Variants in SPATA13 observed in about 807,000 individuals in gnomAD.
The protein encoded by SPATA13 is spermatogenesis associated 13, also known as spermatogenesis-associated protein 13.
A neutral mutation model predicts 104.0 loss-of-function variants in SPATA13; 50 were observed. The ratio of observed to expected loss-of-function variants is 0.48; its 90% CI spans 0.38 to 0.61. SPATA13 has a LOEUF of 0.61. Ranked by LOEUF, SPATA13 falls within the 20% of genes least tolerant of loss-of-function variation. The probability of loss-of-function intolerance (pLI) is 0.00; values close to 1 mark genes in which losing one functional copy is unlikely to be tolerated. For synonymous variants in SPATA13, 606 were observed against 667.5 expected (o/e 0.91, Z 1.42); for missense variants, 1,524 against 1,690.6 (o/e 0.90, Z 1.73).
intron 3 of SPATA13, among the ~76,000 whole-genome samples, chr13:24,035,511 G>GT (rs1877644930): frequency 6.6e-6 from 1 of 152,168 alleles, no homozygotes; most frequent in South Asian, 2.1e-4. Context: ...GGAACAGAAT[G>GT]TTAGGAGCTT....
chr13:24,286,940 A>C lies in SPATA13; in HGVS notation c.2657A>C (p.Asp886Ala). 13 of 1,613,342 alleles carry C rather than the reference A, an allele frequency of 8.1e-6. No individual in the cohort carries two copies. The highest frequency in any genetic ancestry group is 1.1e-5 in the Non-Finnish European group (13 of 1,179,648). Residue 886 changes from aspartate to alanine, a missense_variant, in exon 7 of 13, where the codon GAC becomes GCC. Coordinates refer to ENST00000382108, the MANE Select transcript of SPATA13 (RefSeq NM_001166271.3). The surrounding 1 kb of genome is among the most constrained non-coding windows in gnomAD (Gnocchi z 4.9). ...TERVYIKHLR[D>A]ICEGYIRQCR... ...CGGGTGTACATCAAACACCTCAGGG[A>C]CATCTGTGAGGTGGGACGCCAGGCT...
Position 24,249,621 on chromosome 13 carries a change from A to G in SPATA13, c.1798A>G (p.Ser600Gly), listed in dbSNP as rs1229983917. The change falls in exon 3 of 13, where the codon AGT becomes GGT. Residue 600 changes from serine (S) to glycine (G), a missense_variant. Ser to Gly is a moderately conservative substitution (Grantham distance 56). Around this residue, in one of 2 missense-constraint regions of SPATA13, gnomAD observed 1,089 missense variants for 1,135.9 expected, o/e 0.96. Coordinates refer to ENST00000382108, the MANE Select transcript of SPATA13 (RefSeq NM_001166271.3). ...TGACTACGGCCAGCTGGCCAGCCGC[A>G]GTTTGTCTATTCCTGAAGACTCGGT... Reference protein sequence around the residue: ...FSDYGQLASRSLSIPEDSVAA... With the variant: ...FSDYGQLASRGLSIPEDSVAA... 1 of 1,613,698 alleles carries G rather than the reference A, an allele frequency of 6.2e-7. No homozygotes were observed. Among genetic ancestry groups the G allele is most frequent in the South Asian group, 1.1e-5 (1 of 91,080 alleles).
At chr13:24,016,225 T>G (rs1212421714) in intron 2 of SPATA13, among the ~76,000 whole-genome samples, 1 of 152,092 alleles carries the variant, frequency 6.6e-6, no homozygotes, top group Non-Finnish European at 1.5e-5. Context: ...TGGAGGCCAG[T>G]GGGGTCCATC....
intron 3 of SPATA13, among the ~76,000 whole-genome samples, chr13:24,131,591 T>C (rs1881390567): frequency 1.3e-5 from 2 of 152,226 alleles, no homozygotes; most frequent in South Asian, 4.1e-4. Flanking sequence ...TTTCAGTGGC[T>C]TATGAGAACA....
chr13:24,121,918 C>CG (rs2137825153), intron 3 of SPATA13: 1 of 622,732 alleles, frequency 1.6e-6, no homozygotes, highest in East Asian at 2.7e-5. Context: ...GTTGCATGAT[C>CG]GGGTCCCATC....
At chr13:23,981,286 A>G (rs969300972) in intron 1 of SPATA13, among the ~76,000 whole-genome samples, 1 of 152,190 alleles carries the variant, frequency 6.6e-6, no homozygotes, top group Admixed American at 6.5e-5. Flanking sequence ...AAAAAATGTC[A>G]AGGGGTTCGA....
At chr13:24,214,062 T>C (rs1871163823) in intron 1 of SPATA13, among the ~76,000 whole-genome samples, 1 of 152,244 alleles carries the variant, frequency 6.6e-6, no homozygotes, top group African/African-American at 2.4e-5. Context: ...CAGATCCGCA[T>C]TCAGGTGATC....
intron 3 of SPATA13, among the ~76,000 whole-genome samples, chr13:24,037,667 C>T (rs530389561): frequency 5.0e-4 from 76 of 151,862 alleles, no homozygotes; most frequent in Non-Finnish European, 1.0e-3. Flanking sequence ...CTCGGCCTTC[C>T]AAAGAGCTGA....
chr13:24,126,208 G>T (rs1294032154), intron 3 of SPATA13, among the ~76,000 whole-genome samples: 1 of 152,202 alleles, frequency 6.6e-6, no homozygotes, highest in Non-Finnish European at 1.5e-5. Context: ...AGTCATGGGG[G>T]CAGGAGCCAT....
At chr13:24,203,330 G>T (rs9551078) in intron 1 of SPATA13, among the ~76,000 whole-genome samples, 56,457 of 151,786 alleles carry the variant, frequency 0.37, 11,196 homozygotes, top group East Asian at 0.62. Flanking sequence ...TTTAGGGGAA[G>T]GGGAAGAAGG....
In SPATA13 at chr13:24,010,240, C is replaced by T. The variant is rs56724430; in HGVS notation, c.-146-7427C>T. Reference sequence around the variant, plus strand: ...GTAGTCGCTTCTTAGTCTGGCTCAGCGAATCTGCATTTTTATATAAACAGT... The same window carrying T: ...GTAGTCGCTTCTTAGTCTGGCTCAGTGAATCTGCATTTTTATATAAACAGT... On this transcript the variant is annotated intron_variant, in intron 2 of 14. Coordinates refer to the SPATA13 transcript ENST00000424834. Among the ~76,000 whole-genome samples, 380 of 152,194 alleles carry T rather than the reference C, an allele frequency of 2.5e-3. 1 individual carries two copies. Among genetic ancestry groups the T allele is most frequent in the African/African-American group, 6.7e-3 (279 of 41,524 alleles).
Position 24,303,299 on chromosome 13 carries a change from C to T in SPATA13, c.*526C>T, listed in dbSNP as rs758675643. The T allele has an allele frequency of 4.3e-5, 16 of 371,088 alleles. No individual in the cohort carries two copies. The highest frequency in any genetic ancestry group is 8.9e-5 in the East Asian group (1 of 11,282). The allele number at this position is 371,088 out of a possible 1,614,324, so 23.0% of individuals were successfully genotyped here. A position where few individuals can be genotyped will look rare whatever the true frequency, so the allele number is the denominator to read the frequency against. ...GTAATACTGGGGGACCTACAGCTGC[C>T]GTGGGGCTGACCACGGTGTTCCCTG... is the stretch of plus-strand genomic sequence containing the variant. On this transcript the variant is annotated 3_prime_UTR_variant, in exon 13 of 13. Transcript: ENST00000382108.
Position 24,088,072 on chromosome 13 carries a change from A to C in SPATA13, c.-112+70371A>C, listed in dbSNP as rs1460148819. ...ACCCTCTAATTTGTGAATCAGCCAA[A>C]TGCCTAGCTGAGATGAAAGTCCTGG... On this transcript the variant is annotated intron_variant, in intron 3 of 14. Transcript: ENST00000424834. The surrounding 1 kb of genome is among the most constrained non-coding windows in gnomAD (Gnocchi z 4.3). Among the ~76,000 whole-genome samples the C allele has an allele frequency of 6.6e-6, 1 of 152,186 alleles. No homozygotes were observed. Among genetic ancestry groups the C allele is most frequent in the Non-Finnish European group, 1.5e-5 (1 of 68,034 alleles).
intron 2 of SPATA13, among the ~76,000 whole-genome samples, chr13:24,230,563 T>C (rs1872202031): frequency 6.6e-6 from 1 of 152,192 alleles, no homozygotes; most frequent in South Asian, 2.1e-4. Flanking sequence ...TGCTTACCAG[T>C]TCTCGACCTT....
upstream of SPATA13, among the ~76,000 whole-genome samples, chr13:24,159,617 G>C (rs907727611): frequency 6.6e-6 from 1 of 152,150 alleles, no homozygotes; most frequent in African/African-American, 2.4e-5. Context: ...ACTTACAGGA[G>C]GCTCACGCCG....
chr13:24,275,946 C>A (rs1593486109), intron 4 of SPATA13, among the ~76,000 whole-genome samples: 1 of 152,118 alleles, frequency 6.6e-6, no homozygotes, highest in East Asian at 1.9e-4. Context: ...ACCCCTCCCC[C>A]AAAAAATGTT....
chr13:24,059,978 G>A (rs1878719561), intron 3 of SPATA13, among the ~76,000 whole-genome samples: 1 of 152,174 alleles, frequency 6.6e-6, no homozygotes, highest in Non-Finnish European at 1.5e-5. Context: ...GTTGGCTGTG[G>A]TTTTGTTGTA....
intron 2 of SPATA13, among the ~76,000 whole-genome samples, chr13:24,230,926 A>G (rs1221711994): frequency 6.6e-6 from 1 of 152,168 alleles, no homozygotes; most frequent in Non-Finnish European, 1.5e-5. Flanking sequence ...GCTGGGGTTG[A>G]TCAGACCAGC....
At chr13:24,018,741 G>A (rs1009270408) in intron 3 of SPATA13, among the ~76,000 whole-genome samples, 9 of 152,130 alleles carry the variant, frequency 5.9e-5, no homozygotes, top group African/African-American at 2.2e-4. Context: ...CTTAACTGAT[G>A]CATTTTTTTT....
Sources: gnomAD v4.1 joint callset for allele counts (sites outside exome capture counted in the v4.1 genomes callset) on GRCh38, gnomAD v4.1.1 for gene constraint, gnomAD v4.1.1 regional missense constraint, Gnocchi (gnomAD v3.1) non-coding constraint, MANE v1.5 for transcripts, NCBI Gene and HGNC (gene_info 2026-07-23, HGNC 2026-07-21) for gene names.